AGO2: variants seen among roughly 807,000 people sequenced by gnomAD.
The protein encoded by AGO2 is argonaute RISC catalytic component 2.
A neutral mutation model predicts 102.3 loss-of-function variants in AGO2; 5 were observed. That is an observed-to-expected ratio of 0.05 (90% CI 0.03 to 0.10). The LOEUF (loss-of-function observed/expected upper bound fraction) is 0.10. Among genes scored for constraint, AGO2 ranks in the 10% least tolerant of loss-of-function variants. The pLI is 1.00. For missense variants in AGO2, 541 were observed against 1,183.7 expected (o/e 0.46, Z 7.97); for synonymous variants, 449 against 473.1 (o/e 0.95, Z 0.66).
chr8:140,535,504 C>A lies in AGO2; in HGVS notation c.2235G>T (p.Glu745Asp). Residue 745 changes from glutamate to aspartate, a missense_variant, in exon 17 of 19, where the codon GAG becomes GAT. By Grantham distance (45) the Glu-to-Asp change is conservative (BLOSUM62 2). Coordinates refer to ENST00000220592, the MANE Select transcript of AGO2 (RefSeq NM_012154.5). ...TVDTKITHPT[E>D]FDFYLCSHAG... ...CGTGACTACACAGGTAGAAGTCGAA[C>A]TCGGTGGGGTGGGTGATTTTCGTGT... is the stretch of plus-strand genomic sequence containing the variant. 1.2e-6 allele frequency: 2 copies of A among 1,614,222 alleles called. No homozygotes were observed. The highest frequency in any genetic ancestry group is 1.7e-6 in the Non-Finnish European group (2 of 1,180,036).
At chr8:140,565,471 A>G (rs2073268136) in intron 3 of AGO2, among the ~76,000 whole-genome samples, 1 of 149,526 alleles carries the variant, frequency 6.7e-6, no homozygotes, top group Admixed American at 6.7e-5. Flanking sequence ...ACCAAAAAAC[A>G]AAAAACAAAA....
intron 1 of AGO2, among the ~76,000 whole-genome samples, chr8:140,620,264 A>T (rs1227378746): frequency 1.3e-5 from 2 of 152,176 alleles, no homozygotes; most frequent in African/African-American, 4.8e-5. Context: ...AGATGTGCCT[A>T]AGAGCTGTAG....
Position 140,572,863 on chromosome 8 carries a change from G to A in AGO2, c.285C>T (p.Asp95=), listed in dbSNP as rs377696388. 53 of 1,614,072 alleles carry A rather than the reference G, an allele frequency of 3.3e-5. No homozygotes were observed. The highest frequency in any genetic ancestry group is 1.6e-4 in the South Asian group (15 of 91,076). ...QIFGDRKPVF[D]GRKNLYTAMP... is the part of the protein sequence containing the mutation. ...TGGCTGTGTATAGATTCTTCCTGCC[G>A]TCAAACACGGGCTTCCGATCCCCAA... The change falls in exon 3 of 19, where the codon GAC becomes GAT. Residue 95 remains aspartate (D), a synonymous_variant. Coordinates refer to ENST00000220592, the MANE Select transcript of AGO2 (RefSeq NM_012154.5).
In AGO2 at chr8:140,582,368, C is replaced by T. The variant is rs534322498; in HGVS notation, c.215+2751G>A. 2.0e-4 allele frequency among the ~76,000 whole-genome samples: 30 copies of T among 152,238 alleles called. No homozygotes were observed. The South Asian group carries it at 5.4e-3, about 27-fold the overall frequency. ...TGAAACTTTATGAGCACCAACATGACGCTCAAAGGAAATGCTCATTGGAGC... is the reference window on the plus strand; with the variant it reads ...TGAAACTTTATGAGCACCAACATGATGCTCAAAGGAAATGCTCATTGGAGC... On this transcript the variant is annotated intron_variant, in intron 2 of 18. Coordinates refer to ENST00000220592, the MANE Select transcript of AGO2 (RefSeq NM_012154.5).
At chr8:140,565,429 ACT>A (rs2073265993) in intron 3 of AGO2, among the ~76,000 whole-genome samples, 7 of 138,884 alleles carry the variant, frequency 5.0e-5, no homozygotes, top group Admixed American at 7.7e-5. Flanking sequence ...ACAGAGCAAG[ACT>A]CTGTCTCAAA....
At position 140,585,291 on chromosome 8, in the gene AGO2, G is replaced by A. The variant is rs1318702713; in HGVS notation, c.43C>T (p.Pro15Ser). ...AAGGCATATCCTTGGATGGGGGGCG[G>A]CGGCGCAGGAGGTGCAAGTGCTGGA... Reference protein sequence around the residue: ...AGPALAPPAPPPPIQGYAFKP... With the variant: ...AGPALAPPAPSPPIQGYAFKP... Residue 15 changes from proline (P) to serine (S), a missense_variant, in exon 2 of 19, where the codon CCG (proline) becomes TCG (serine). Pro to Ser is a moderately conservative substitution (Grantham distance 74, BLOSUM62 -1). Coordinates refer to ENST00000220592, the MANE Select transcript of AGO2 (RefSeq NM_012154.5). 1.2e-6 allele frequency: 2 copies of A among 1,613,816 alleles called. No individual in the cohort carries two copies. The highest frequency in any genetic ancestry group is 2.7e-5 in the African/African-American group (2 of 74,916).
In AGO2 at chr8:140,523,454, T is replaced by C. The variant is rs1430873527; in HGVS notation, c.*8590A>G. On this transcript the variant is annotated 3_prime_UTR_variant, in exon 19 of 19. Coordinates refer to ENST00000220592, the MANE Select transcript of AGO2 (RefSeq NM_012154.5). ...AACTAAGGGTTAAAAGCCCTCAATA[T>C]GTATTAGGTAAGTAATCTGAAGTGT... 1 of 152,080 alleles carries C rather than the reference T, an allele frequency of 6.6e-6. No individual in the cohort carries two copies. The highest frequency in any genetic ancestry group is 1.9e-4 in the East Asian group (1 of 5,200). 9.4% of individuals were successfully genotyped at this position (152,080 alleles called of 1,614,324 possible).
intron 10 of AGO2, among the ~76,000 whole-genome samples, chr8:140,551,932 G>GAGATGGAT: frequency 6.6e-6 from 1 of 152,110 alleles, no homozygotes; most frequent in African/African-American, 2.4e-5. Context: ...GAGAGATGGA[G>GAGATGGAT]AGATGGATGA....
chr8:140,541,297 T>A lies in AGO2; in HGVS notation c.1901A>T (p.His634Leu). 6.2e-7 allele frequency: 1 copy of A among 1,613,642 alleles called. No homozygotes were observed. The highest frequency in any genetic ancestry group is 8.5e-7 in the Non-Finnish European group (1 of 1,179,936). ...CAGGTCTTGTATGATCTCCTGCCGG[T>A]GCTGCTGCACGCGCACGGTGGCGCA... The part of the protein sequence containing the change: ...RYCATVRVQQ[H>L]RQEIIQDLAA... Residue 634 changes from histidine (H) to leucine (L), a missense_variant, in exon 15 of 19, where the codon CAC becomes CTC. His to Leu is a moderately conservative substitution (Grantham distance 99, BLOSUM62 -3). Transcript: ENST00000220592.
In AGO2 at chr8:140,532,099, A is replaced by G; in HGVS notation, c.2525T>C (p.Leu842Pro). 6.2e-7 allele frequency: 1 copy of G among 1,614,200 alleles called. No homozygotes were observed. The highest frequency in any genetic ancestry group is 8.5e-7 in the Non-Finnish European group (1 of 1,180,028). The change falls in exon 19 of 19, where the codon CTG (leucine) becomes CCG (proline). Residue 842 changes from leucine to proline, a missense_variant. By Grantham distance (98) the Leu-to-Pro change is moderately conservative (BLOSUM62 -3). Coordinates refer to ENST00000220592, the MANE Select transcript of AGO2 (RefSeq NM_012154.5). ...GQSNGRDHQA[L>P]AKAVQVHQDT... The stretch of plus-strand genomic sequence containing the variant: ...TTGGTGAACCTGGACCGCCTTGGCC[A>G]GTGCTTGGTGGTCTCGCCCGTTACT...
chr8:140,565,450 A>C (rs1482705095), intron 3 of AGO2, among the ~76,000 whole-genome samples: 29 of 149,430 alleles, frequency 1.9e-4, no homozygotes, highest in Non-Finnish European at 3.4e-4. Context: ...AAAAAAAAAA[A>C]AAACCCAAAA....
intron 3 of AGO2, among the ~76,000 whole-genome samples, chr8:140,566,618 T>TGG (rs1188430819): frequency 0.011 from 1,419 of 128,442 alleles, 20 homozygotes; most frequent in African/African-American, 0.032. Context: ...TTTTTTTTTT[T>TGG]GGGGGGGGGG....
chr8:140,529,744 T>A lies in AGO2; in HGVS notation c.*2300A>T, dbSNP rs1197750426. 2 of 152,160 alleles carry A rather than the reference T, an allele frequency of 1.3e-5. No homozygotes were observed. Among genetic ancestry groups the A allele is most frequent in the East Asian group, 3.9e-4 (2 of 5,192 alleles). 9.4% of individuals were successfully genotyped at this position (152,160 alleles called of 1,614,324 possible). ...CTGCAGGCCATCGCTTAGACACAGA[T>A]GCCCTGGCCATCCCTGAAGTACCGC... is the stretch of plus-strand genomic sequence containing the variant. On this transcript the variant is annotated 3_prime_UTR_variant, in exon 19 of 19. Transcript: ENST00000220592.
intron 17 of AGO2, among the ~76,000 whole-genome samples, chr8:140,533,201 AAC>A (rs1296530453): frequency 1.3e-5 from 2 of 150,278 alleles, no homozygotes; most frequent in African/African-American, 4.9e-5. Context: ...CATCCTGGCT[AAC>A]ACGGTGAAAC....
chr8:140,607,458 TTATATATATATATA>T (rs1167371585), intron 1 of AGO2, among the ~76,000 whole-genome samples: 782 of 69,404 alleles, frequency 0.011, 16 homozygotes, highest in East Asian at 0.022. Flanking sequence ...TAAAGAAAAA[TTATATATATATATA>T]TATATATATA....
At chr8:140,606,026 T>A (rs2073993863) in intron 1 of AGO2, 1 of 152,362 alleles carries the variant, frequency 6.6e-6, no homozygotes. Flanking sequence ...ATCAACAAAT[T>A]ATGCAGACTA....
rs1458821895 is a variant in AGO2, at chr8:140,528,471, T to C, written c.*3573A>G. ...CCGTCACGGGGGTAAACATTAGTGA[T>C]AGCAGTTTAGGTCAGCCTCAAACAA... On this transcript the variant is annotated 3_prime_UTR_variant, in exon 19 of 19. Transcript: ENST00000220592. This position sits in a 1 kb window ranked among gnomAD's most constrained non-coding sequence, Gnocchi z 4.5. 1 of 152,206 alleles carries C rather than the reference T, an allele frequency of 6.6e-6. No homozygotes were observed. Among genetic ancestry groups the C allele is most frequent in the Admixed American group, 6.5e-5 (1 of 15,276 alleles). The allele number at this position is 152,206 out of a possible 1,614,324, so 9.4% of individuals were successfully genotyped here. A position where few individuals can be genotyped will look rare whatever the true frequency, so the allele number is the denominator to read the frequency against.
chr8:140,587,684 T>C (rs1310394764), intron 1 of AGO2, among the ~76,000 whole-genome samples: 4 of 152,190 alleles, frequency 2.6e-5, no homozygotes, highest in Non-Finnish European at 5.9e-5. Flanking sequence ...AGGTGAATAA[T>C]GCACCAAGGT....
chr8:140,557,376 T>G lies in AGO2; in HGVS notation c.879-140A>C, dbSNP rs1045834518. The G allele has an allele frequency of 1.4e-5, 15 of 1,102,728 alleles. No homozygotes were observed. The highest frequency in any genetic ancestry group is 1.3e-6 in the Non-Finnish European group (1 of 791,720). 68.3% of individuals were successfully genotyped at this position (1,102,728 alleles called of 1,614,324 possible). A position where few individuals can be genotyped will look rare whatever the true frequency, so the allele number is the denominator to read the frequency against. The stretch of plus-strand genomic sequence containing the variant: ...ACTTCCGGGAGTGAAAACCATGTCA[T>G]GTGCTTTGGGTTATCTGGAATGTTT... On this transcript the variant is annotated intron_variant, in intron 7 of 18. Coordinates refer to ENST00000220592, the MANE Select transcript of AGO2 (RefSeq NM_012154.5). The surrounding 1 kb of genome is among the most constrained non-coding windows in gnomAD (Gnocchi z 5.9).
Sources: gnomAD v4.1 joint callset for allele counts (sites outside exome capture counted in the v4.1 genomes callset) on GRCh38, gnomAD v4.1.1 for gene constraint, Gnocchi (gnomAD v3.1) non-coding constraint, MANE v1.5 for transcripts, NCBI Gene and HGNC (gene_info 2026-07-23, HGNC 2026-07-21) for gene names.